The following ANGPT4 variants were observed in gnomAD, a reference collection of about 807,000 sequenced individuals.
ANGPT4 encodes the protein angiopoietin-4.
ANGPT4 carries 50 observed loss-of-function variants against 53.0 expected under a neutral mutation model. The observed-to-expected ratio is 0.94, with a 90% CI of 0.75 to 1.20. The LOEUF (loss-of-function observed/expected upper bound fraction) is 1.20. Among genes scored for constraint, ANGPT4 ranks in the 50% most tolerant of loss-of-function variants. ANGPT4 has a pLI of 0.00. For synonymous variants in ANGPT4, 251 were observed against 259.7 expected, an observed-to-expected ratio of 0.97 and a Z score of 0.32; for missense variants, 648 against 637.1, an observed-to-expected ratio of 1.02 and a Z score of -0.18.
At chr20:889,752 T>C (rs1259159669) in intron 2 of ANGPT4, among the ~76,000 whole-genome samples, 2 of 152,056 alleles carry the variant, frequency 1.3e-5, no homozygotes, top group East Asian at 1.9e-4. Context: ...CAAACTTGTG[T>C]CTATTTGTTA....
At chr20:895,710 A>T (rs964189657) in intron 1 of ANGPT4, among the ~76,000 whole-genome samples, 2 of 152,216 alleles carry the variant, frequency 1.3e-5, no homozygotes, top group African/African-American at 4.8e-5. Context: ...CAGTCCATCC[A>T]TGCAGTGGAC....
At chr20:889,110 T>C (rs1981733680) in intron 2 of ANGPT4, among the ~76,000 whole-genome samples, 1 of 152,218 alleles carries the variant, frequency 6.6e-6, no homozygotes, top group African/African-American at 2.4e-5. Context: ...GCAGTAAGCC[T>C]GGCTGCAGCC....
intron 3 of ANGPT4, among the ~76,000 whole-genome samples, chr20:887,125 C>T (rs1436677444): frequency 6.6e-6 from 1 of 152,178 alleles, no homozygotes; most frequent in African/African-American, 2.4e-5. Context: ...ACTGTATATC[C>T]ACTTGTGCCA....
chr20:883,473 G>C (rs1981487060), intron 4 of ANGPT4, among the ~76,000 whole-genome samples: 1 of 152,208 alleles, frequency 6.6e-6, no homozygotes. Flanking sequence ...GAGAGCTAGT[G>C]CTCCCTTCCT....
intron 1 of ANGPT4, among the ~76,000 whole-genome samples, chr20:902,410 A>T (rs1199504091): frequency 6.6e-6 from 1 of 152,138 alleles, no homozygotes; most frequent in Non-Finnish European, 1.5e-5. Flanking sequence ...TAGTGAGTAT[A>T]TGCCACAGGC....
chr20:903,570 G>T (rs1216772112), intron 1 of ANGPT4, among the ~76,000 whole-genome samples: 1 of 152,152 alleles, frequency 6.6e-6, no homozygotes. Context: ...ACCCTGCCTT[G>T]GGTCCCGTGT....
At chr20:904,606 T>G (rs1055658770) in intron 1 of ANGPT4, among the ~76,000 whole-genome samples, 14 of 152,238 alleles carry the variant, frequency 9.2e-5, no homozygotes, top group African/African-American at 2.7e-4. Context: ...TGCTTCAAAG[T>G]AGAGTGAAAT....
Position 882,930 on chromosome 20 carries a change from G to A in ANGPT4, c.836-1644C>T, listed in dbSNP as rs1383620270. On this transcript the variant is annotated intron_variant, in intron 4 of 8. Coordinates refer to ENST00000381922, the MANE Select transcript of ANGPT4 (RefSeq NM_015985.4). ...AATATTTTTGGGAGGCATAAGAATA[G>A]GATGGACTGATATTGATATGCAACA... Among the ~76,000 whole-genome samples, 3 of 152,346 alleles carry A rather than the reference G, an allele frequency of 2.0e-5. No individual in the cohort carries two copies. The East Asian group carries it at 5.8e-4, about 29-fold the overall frequency.
chr20:915,044 G>A (rs992540981), intron 1 of ANGPT4, among the ~76,000 whole-genome samples: 2 of 152,108 alleles, frequency 1.3e-5, no homozygotes, highest in African/African-American at 2.4e-5. Context: ...GCCCCGTTCT[G>A]CTCCAGGCCT....
chr20:874,012 G>A (rs533804886), intron 8 of ANGPT4, among the ~76,000 whole-genome samples: 6 of 152,138 alleles, frequency 3.9e-5, no homozygotes, highest in Non-Finnish European at 8.8e-5. Context: ...CTCCCCCCCG[G>A]GGCCCTGCAC....
intron 2 of ANGPT4, among the ~76,000 whole-genome samples, 199 bp from the exon 3 acceptor site, chr20:888,638 C>G (rs1981713569): frequency 6.6e-6 from 1 of 152,194 alleles, no homozygotes; most frequent in African/African-American, 2.4e-5. Context: ...TTCTCCATCA[C>G]TGCAATGGCA....
At chr20:884,793 G>C (rs967941347) in intron 4 of ANGPT4, among the ~76,000 whole-genome samples, 2 of 152,132 alleles carry the variant, frequency 1.3e-5, no homozygotes, top group African/African-American at 2.4e-5. Flanking sequence ...AGTCTGGATT[G>C]CTGTTGCCCT....
rs1364485167 is a variant in ANGPT4 at position 878,260 on chromosome 20, G to A, written c.1121C>T (p.Ala374Val). 1.2e-6 allele frequency: 2 copies of A among 1,611,906 alleles called. No homozygotes were observed. Among genetic ancestry groups the A allele is most frequent in the Non-Finnish European group, 1.7e-6 (2 of 1,179,188 alleles). Residue 374 changes from alanine (A) to valine (V), a missense_variant, in exon 7 of 9, where the codon GCA (alanine) becomes GTA (valine). Physicochemically the swap from Ala to Val is moderately conservative, Grantham distance 64. Coordinates refer to ENST00000381922, the MANE Select transcript of ANGPT4 (RefSeq NM_015985.4). Reference protein sequence around the residue: ...NEVVHQLTRRAAYSLRVELQD... With the variant: ...NEVVHQLTRRVAYSLRVELQD... ...CAGCTCCACACGCAGAGAGTAGGCTGCCCTTCTGGTGAGCTGGTGCACCAC... is the reference window on the plus strand; with the variant it reads ...CAGCTCCACACGCAGAGAGTAGGCTACCCTTCTGGTGAGCTGGTGCACCAC...
chr20:888,220 G>A, intron 3 of ANGPT4, 98 bp downstream of exon 3: 1 of 1,471,726 alleles, frequency 6.8e-7, no homozygotes, highest in Non-Finnish European at 9.0e-7. Context: ...CCTGGCTCCA[G>A]CCCCAGTCCT....
At chr20:882,387 G>C (rs1019989715) in intron 4 of ANGPT4, among the ~76,000 whole-genome samples, 1 of 152,176 alleles carries the variant, frequency 6.6e-6, no homozygotes, top group Non-Finnish European at 1.5e-5. Context: ...AGATGGATAG[G>C]TTGTCAACAC....
chr20:901,598 C>A (rs1028851500), intron 1 of ANGPT4, among the ~76,000 whole-genome samples: 2 of 152,208 alleles, frequency 1.3e-5, no homozygotes, highest in Non-Finnish European at 1.5e-5. Context: ...ACGCACGTGA[C>A]ACTATGTAGC....
At chr20:876,112 C>CTCCAG (rs1981155952) in intron 7 of ANGPT4, among the ~76,000 whole-genome samples, 2 of 147,368 alleles carry the variant, frequency 1.4e-5, no homozygotes, top group South Asian at 4.3e-4. Context: ...TGCCACTGCA[C>CTCCAG]TCCAGCCTGG....
intron 7 of ANGPT4, among the ~76,000 whole-genome samples, chr20:876,096 T>C (rs1981154963): frequency 6.9e-6 from 1 of 145,428 alleles, no homozygotes; most frequent in Non-Finnish European, 1.5e-5. Flanking sequence ...CAGTGAGCTG[T>C]GATCATGCCA....
At chr20:882,070 G>A (rs1981431242) in intron 4 of ANGPT4, among the ~76,000 whole-genome samples, 1 of 152,122 alleles carries the variant, frequency 6.6e-6, no homozygotes, top group African/African-American at 2.4e-5. Context: ...CACCCTTTTG[G>A]CTGTATCTCC....
Sources: allele counts gnomAD v4.1 joint callset (sites outside exome capture counted in the v4.1 genomes callset), GRCh38; gene constraint gnomAD v4.1.1; transcripts MANE v1.5; gene names NCBI Gene and HGNC (gene_info 2026-07-23, HGNC 2026-07-21).